TBC1D1: variants seen among roughly 807,000 people sequenced by gnomAD.
TBC1D1 encodes the protein TBC1 (tre-2/USP6, BUB2, cdc16) domain family, member 1.
TBC1D1 carries 89 observed loss-of-function variants against 125.6 expected under a neutral mutation model. That is an observed-to-expected ratio of 0.71 (90% confidence interval 0.60 to 0.85). The LOEUF is 0.85. Ranked by LOEUF, TBC1D1 falls within the 40% of genes least tolerant of loss-of-function variation. The pLI, the probability that TBC1D1 is intolerant of heterozygous loss-of-function variation, is 0.00. For synonymous variants in TBC1D1, 565 were observed against 564.1 expected (o/e 1.00, Z -0.02); for missense variants, 1,377 against 1,469.2 (o/e 0.94, Z 1.03).
chr4:38,031,813 C>T (rs181230429), intron 7 of TBC1D1, among the ~76,000 whole-genome samples: 2 of 152,114 alleles, frequency 1.3e-5, no homozygotes, highest in Admixed American at 6.5e-5. Context: ...ATCTGAATTG[C>T]GTTTATGACA....
At chr4:37,913,793 G>T (rs35464786) in intron 2 of TBC1D1, among the ~76,000 whole-genome samples, 6 of 141,958 alleles carry the variant, frequency 4.2e-5, no homozygotes, top group Admixed American at 2.8e-4. Context: ...GCACTCCCTT[G>T]CCTTTTCTTT....
chr4:37,898,000 T>G (rs1701307955), intron 1 of TBC1D1, among the ~76,000 whole-genome samples: 1 of 152,240 alleles, frequency 6.6e-6, no homozygotes, highest in African/African-American at 2.4e-5. Flanking sequence ...AAGTATTGCT[T>G]TATTTTTTAT....
intron 2 of TBC1D1, among the ~76,000 whole-genome samples, chr4:37,983,225 C>T (rs1289626955): frequency 6.6e-6 from 1 of 150,626 alleles, no homozygotes; most frequent in East Asian, 1.9e-4. Context: ...AAGTGATTCT[C>T]CTGCCTCAGC....
At chr4:38,026,368 G>A (rs1006879500) in intron 6 of TBC1D1, among the ~76,000 whole-genome samples, 1 of 152,198 alleles carries the variant, frequency 6.6e-6, no homozygotes, top group Non-Finnish European at 1.5e-5. Flanking sequence ...TTGGGCAGGC[G>A]TGGCTGCCGA....
At chr4:38,105,307 A>G (rs542920722) in intron 15 of TBC1D1, among the ~76,000 whole-genome samples, 151 of 152,314 alleles carry the variant, frequency 9.9e-4, no homozygotes, top group African/African-American at 3.5e-3. Context: ...AATCCTTACA[A>G]CATGATCAGG....
intron 1 of TBC1D1, among the ~76,000 whole-genome samples, chr4:37,896,857 G>C (rs1714745573): frequency 1.3e-5 from 2 of 151,912 alleles, no homozygotes; most frequent in Non-Finnish European, 2.9e-5. Context: ...TGCTGCCAGA[G>C]ATATGTAGCA....
At chr4:38,131,240 A>G (rs1251445711) in intron 18 of TBC1D1, among the ~76,000 whole-genome samples, 1 of 152,216 alleles carries the variant, frequency 6.6e-6, no homozygotes, top group African/African-American at 2.4e-5. Context: ...AGGAAAAGCC[A>G]GAGGTTTTGT....
At position 37,902,237 on chromosome 4, in the gene TBC1D1, C is replaced by T. The variant is rs772903503; in HGVS notation, c.142C>T (p.Arg48Ter). Reference sequence around the variant, plus strand: ...GCTGCCCTGGGTTGTGGCTGAGGTGCGAAGACTCAGCAGGCAGTCCACCAG... The same window carrying T: ...GCTGCCCTGGGTTGTGGCTGAGGTGTGAAGACTCAGCAGGCAGTCCACCAG... The change falls in exon 2 of 20, where the codon CGA (arginine) becomes TGA (stop). Residue 48 changes from arginine to a stop codon, truncating the protein, a stop_gained. Transcript: ENST00000261439. LOFTEE classifies it high-confidence loss of function. 4 of 1,613,942 alleles carry T rather than the reference C, an allele frequency of 2.5e-6. No individual in the cohort carries two copies. Among genetic ancestry groups the T allele is most frequent in the East Asian group, 2.2e-5 (1 of 44,864 alleles).
At chr4:37,942,274 G>A (rs949184176) in intron 2 of TBC1D1, among the ~76,000 whole-genome samples, 1 of 152,126 alleles carries the variant, frequency 6.6e-6, no homozygotes, top group African/African-American at 2.4e-5. Flanking sequence ...TTACCATTAT[G>A]TAATGGCCTT....
At chr4:37,929,272 A>G (rs1418573232) in intron 2 of TBC1D1, among the ~76,000 whole-genome samples, 1 of 152,240 alleles carries the variant, frequency 6.6e-6, no homozygotes, top group Non-Finnish European at 1.5e-5. Context: ...ATAAGTATAT[A>G]TAAGATATGA....
At chr4:38,070,019 G>GC (rs1754432453) in intron 12 of TBC1D1, among the ~76,000 whole-genome samples, 1 of 152,162 alleles carries the variant, frequency 6.6e-6, no homozygotes, top group South Asian at 2.1e-4. Flanking sequence ...GAGGTGTGGA[G>GC]CAGGGTCAGA....
Position 38,014,534 on chromosome 4 carries a change from G to A in TBC1D1, c.443G>A (p.Arg148His), listed in dbSNP as rs1183957131. Residue 148 changes from arginine to histidine, a missense_variant, in exon 3 of 20, where the codon CGT (arginine) becomes CAT (histidine). By Grantham distance (29) the Arg-to-His change is conservative (BLOSUM62 0). Coordinates refer to ENST00000261439, the MANE Select transcript of TBC1D1 (RefSeq NM_015173.4). This position sits in a 1 kb window ranked among gnomAD's most constrained non-coding sequence, Gnocchi z 5.1. ...GTGCCTGAGATCATCAGCTCCATCC[G>A]TCAGGCGGGGAAGATCGCCCGGCAG... is the stretch of plus-strand genomic sequence containing the variant. 1 of 1,613,094 alleles carries A rather than the reference G, an allele frequency of 6.2e-7. No homozygotes were observed. Among genetic ancestry groups the A allele is most frequent in the East Asian group, 2.2e-5 (1 of 44,868 alleles).
intron 2 of TBC1D1, chr4:37,996,180 C>T: frequency 2.8e-6 from 1 of 356,816 alleles, no homozygotes; most frequent in Non-Finnish European, 5.8e-6. Flanking sequence ...CCTCCCTGCT[C>T]AGGCACCCAC....
intron 11 of TBC1D1, among the ~76,000 whole-genome samples, chr4:38,051,039 G>A (rs7674408): frequency 3.3e-5 from 5 of 152,058 alleles, no homozygotes; most frequent in African/African-American, 1.2e-4. Context: ...TTACTTCTGT[G>A]CTGCCTCACC....
At chr4:38,047,717 G>A (rs1459036680) in intron 10 of TBC1D1, among the ~76,000 whole-genome samples, 1 of 152,160 alleles carries the variant, frequency 6.6e-6, no homozygotes, top group East Asian at 1.9e-4. Context: ...AGTGTCAGAA[G>A]AGCAAGGGGA....
At chr4:38,009,886 G>A (rs1224370720) in intron 2 of TBC1D1, among the ~76,000 whole-genome samples, 1 of 152,126 alleles carries the variant, frequency 6.6e-6, no homozygotes, top group Non-Finnish European at 1.5e-5. Context: ...TATTGAATCT[G>A]TCCCAATAAG....
intron 11 of TBC1D1, among the ~76,000 whole-genome samples, chr4:38,052,728 GCA>G (rs56153191): frequency 0.081 from 9,586 of 118,086 alleles, 337 homozygotes; most frequent in Middle Eastern, 0.11. Context: ...GCGCGCGCGC[GCA>G]CACACACACA....
At chr4:38,109,573 A>T (rs1404477888) in intron 15 of TBC1D1, among the ~76,000 whole-genome samples, 1 of 152,142 alleles carries the variant, frequency 6.6e-6, no homozygotes, top group Non-Finnish European at 1.5e-5. Flanking sequence ...ACCCCATTTT[A>T]AACTACCCAC....
intron 19 of TBC1D1, among the ~76,000 whole-genome samples, 160 bp downstream of exon 21, chr4:38,133,417 C>T (rs1172131716): frequency 6.6e-6 from 1 of 152,186 alleles, no homozygotes; most frequent in Non-Finnish European, 1.5e-5. Context: ...AGAATGGGTC[C>T]TTTTTATTAT....
Sources: allele counts gnomAD v4.1 joint callset (sites outside exome capture counted in the v4.1 genomes callset), GRCh38; gene constraint gnomAD v4.1.1; non-coding constraint Gnocchi (gnomAD v3.1); transcripts MANE v1.5; gene names NCBI Gene and HGNC (gene_info 2026-07-23, HGNC 2026-07-21).